Variants in MAML2 observed in about 807,000 individuals in gnomAD.
MAML2 encodes the protein mastermind-like protein 2.
MAML2 carries 22 observed loss-of-function variants against 96.1 expected under a neutral mutation model. That is an observed-to-expected ratio of 0.23 (90% CI 0.16 to 0.33). MAML2 has a LOEUF of 0.33. Ranked by LOEUF, MAML2 falls within the 10% of genes least tolerant of loss-of-function variation. The pLI, the probability that MAML2 is intolerant of heterozygous loss-of-function variation, is 1.00. For missense variants in MAML2, 1,367 were observed against 1,392.4 expected (o/e 0.98, Z 0.29); for synonymous variants, 561 against 521.3 (o/e 1.08, Z -1.04).
intron 1 of MAML2, among the ~76,000 whole-genome samples, chr11:96,262,753 T>G (rs1253755955): frequency 1.3e-5 from 2 of 152,212 alleles, no homozygotes; most frequent in Non-Finnish European, 2.9e-5. Context: ...ATTTAATCCA[T>G]TTTTTAAATC....
chr11:96,080,973 G>A (rs2135798438), intron 2 of MAML2, among the ~76,000 whole-genome samples: 2 of 152,224 alleles, frequency 1.3e-5, no homozygotes, highest in East Asian at 3.9e-4. Context: ...TTTGAGTGAG[G>A]CAATATAATG....
chr11:96,011,516 T>C (rs1858266003), intron 2 of MAML2, among the ~76,000 whole-genome samples: 1 of 152,030 alleles, frequency 6.6e-6, no homozygotes. Context: ...GAGCTAAACA[T>C]TGAGTACACA....
At chr11:96,259,691 G>A (rs1862721175) in intron 1 of MAML2, among the ~76,000 whole-genome samples, 1 of 152,220 alleles carries the variant, frequency 6.6e-6, no homozygotes, top group African/African-American at 2.4e-5. Flanking sequence ...TAAGTCAGAA[G>A]TCAAGGAGAG....
chr11:96,330,975 A>T (rs1863846272), intron 1 of MAML2, among the ~76,000 whole-genome samples: 1 of 152,210 alleles, frequency 6.6e-6, no homozygotes, highest in Non-Finnish European at 1.5e-5. Flanking sequence ...TGATCATTTA[A>T]AAAGCCATCT....
At chr11:96,328,015 C>T (rs1387373251) in intron 1 of MAML2, among the ~76,000 whole-genome samples, 2 of 152,024 alleles carry the variant, frequency 1.3e-5, no homozygotes, top group Non-Finnish European at 2.9e-5. Flanking sequence ...AGAATCACTT[C>T]AACCCGGGGG....
chr11:96,342,978 G>T lies in MAML2; in HGVS notation c.-1083C>A, dbSNP rs2136026057. ...TCCACTTTTGTACATTCCATCCCCG[G>T]CCAGTGGATCTGAGGGTCTGGACTC... On this transcript the variant is annotated 5_prime_UTR_variant, in exon 1 of 5. Transcript: ENST00000524717. 1 of 387,660 alleles carries T rather than the reference G, an allele frequency of 2.6e-6. No individual in the cohort carries two copies. Among genetic ancestry groups the T allele is most frequent in the East Asian group, 3.6e-5 (1 of 27,598 alleles). 24.0% of individuals were successfully genotyped at this position (387,660 alleles called of 1,614,324 possible). A position where few individuals can be genotyped will look rare whatever the true frequency, so the allele number is the denominator to read the frequency against.
At chr11:96,297,761 C>A (rs1863323338) in intron 1 of MAML2, among the ~76,000 whole-genome samples, 1 of 152,092 alleles carries the variant, frequency 6.6e-6, no homozygotes. Context: ...TGATTTATTC[C>A]CTACATTGTT....
At chr11:96,210,094 T>C (rs961175625) in intron 1 of MAML2, among the ~76,000 whole-genome samples, 4 of 152,086 alleles carry the variant, frequency 2.6e-5, no homozygotes, top group Non-Finnish European at 4.4e-5. Flanking sequence ...TGCCTTACCA[T>C]TTTATTTTAT....
intron 2 of MAML2, among the ~76,000 whole-genome samples, chr11:96,009,440 C>T (rs1858234200): frequency 6.6e-6 from 1 of 152,154 alleles, no homozygotes; most frequent in Admixed American, 6.5e-5. Context: ...GGAATGGTTT[C>T]TTTTTTATAT....
intron 1 of MAML2, among the ~76,000 whole-genome samples, chr11:96,208,018 C>CCCAA (rs1489301818): frequency 6.6e-6 from 1 of 152,190 alleles, no homozygotes; most frequent in Non-Finnish European, 1.5e-5. Flanking sequence ...CTCCCAAACT[C>CCCAA]AGAGTCTCCA....
chr11:96,279,906 C>T (rs1314208155), intron 1 of MAML2, among the ~76,000 whole-genome samples: 3 of 152,164 alleles, frequency 2.0e-5, no homozygotes, highest in South Asian at 4.1e-4. Context: ...AAAGAAGTCA[C>T]AGATTAAATG....
intron 2 of MAML2, among the ~76,000 whole-genome samples, chr11:95,994,118 C>T (rs1350316201): frequency 2.6e-5 from 4 of 152,142 alleles, no homozygotes; most frequent in Non-Finnish European, 5.9e-5. Context: ...TAAACCTGGG[C>T]CAACCCATCA....
At chr11:96,232,124 G>A (rs914199889) in intron 1 of MAML2, among the ~76,000 whole-genome samples, 1 of 152,198 alleles carries the variant, frequency 6.6e-6, no homozygotes, top group Non-Finnish European at 1.5e-5. Flanking sequence ...TTGTGAGTCT[G>A]AGGGGCAAAT....
chr11:96,037,047 C>A lies in MAML2; in HGVS notation c.2140-45324G>T, dbSNP rs181258833. On this transcript the variant is annotated intron_variant, in intron 2 of 4. Coordinates refer to ENST00000524717, the MANE Select transcript of MAML2 (RefSeq NM_032427.4). ...ACCGCCTAGGTTGTTCCTGCACTGC[C>A]GTCGGGAGCCAACGCACCTGGGCTC... Among the ~76,000 whole-genome samples, 195 of 152,258 alleles carry A rather than the reference C, an allele frequency of 1.3e-3. 2 individuals are homozygous for A. The highest frequency in any genetic ancestry group is 3.4e-3 in the Middle Eastern group (1 of 294).
intron 3 of MAML2, among the ~76,000 whole-genome samples, chr11:95,988,471 G>T (rs1477326805): frequency 2.0e-5 from 1 of 48,894 alleles, no homozygotes; most frequent in Non-Finnish European, 3.7e-5. Flanking sequence ...TGTTTGTCAG[G>T]CTTGTCTCCA....
chr11:96,227,023 T>C (rs2135951394), intron 1 of MAML2, among the ~76,000 whole-genome samples: 1 of 152,312 alleles, frequency 6.6e-6, no homozygotes, highest in East Asian at 1.9e-4. Context: ...GTAGCTACAC[T>C]ATGCCTCAAT....
intron 1 of MAML2, among the ~76,000 whole-genome samples, chr11:96,202,678 A>G (rs1861842992): frequency 6.6e-6 from 1 of 151,110 alleles, no homozygotes; most frequent in African/African-American, 2.4e-5. Flanking sequence ...CCCAGGCTGG[A>G]GTGCAATGGC....
chr11:95,994,621 G>T lies in MAML2; in HGVS notation c.2140-2898C>A, dbSNP rs1316209054. 3.3e-5 allele frequency among the ~76,000 whole-genome samples: 5 copies of T among 152,194 alleles called. No homozygotes were observed. The South Asian group carries it at 1.0e-3, about 32-fold the overall frequency. On this transcript the variant is annotated intron_variant, in intron 2 of 4. Coordinates refer to ENST00000524717, the MANE Select transcript of MAML2 (RefSeq NM_032427.4). The stretch of plus-strand genomic sequence containing the variant: ...AAGCGTAAAGACAGCTGGAAGTGGT[G>T]GGGGAAGACATCAAGGTGGGAGAGA...
chr11:96,074,749 T>C (rs1162734415), intron 2 of MAML2, among the ~76,000 whole-genome samples: 3 of 152,232 alleles, frequency 2.0e-5, no homozygotes, highest in Non-Finnish European at 1.5e-5. Flanking sequence ...GAATAAAAGT[T>C]AGATTCCTGT....
Sources: gnomAD v4.1 joint callset for allele counts (sites outside exome capture counted in the v4.1 genomes callset) on GRCh38, gnomAD v4.1.1 for gene constraint, MANE v1.5 for transcripts, NCBI Gene and HGNC (gene_info 2026-07-23, HGNC 2026-07-21) for gene names.